Variants in ABCA8 observed in about 807,000 individuals in gnomAD.
ABCA8 encodes the protein ABC-type organic anion transporter ABCA8.
In ABCA8, 177 loss-of-function variants were observed where a neutral mutation model predicts 192.3. The observed-to-expected ratio is 0.92, with a 90% CI of 0.81 to 1.04. ABCA8 has a LOEUF of 1.04. ABCA8 is among the 50% of genes least tolerant of loss of function. ABCA8 has a pLI of 0.00. For missense variants in ABCA8, 1,915 were observed against 1,904.8 expected (o/e 1.01, Z -0.10); for synonymous variants, 642 against 690.2 (o/e 0.93, Z 1.09).
rs765164512 is a variant in ABCA8, at chr17:68,894,247, T to C, written c.2962A>G (p.Ile988Val). 12 of 1,612,964 alleles carry C rather than the reference T, an allele frequency of 7.4e-6. No homozygotes were observed. The highest frequency in any genetic ancestry group is 2.7e-5 in the African/African-American group (2 of 74,878). Reference sequence around the variant, plus strand: ...ATTCCAAGTAGCCCATTACTAACAATGTCCATAAGAACTGGGAAGCAATTC... The same window carrying C: ...ATTCCAAGTAGCCCATTACTAACAACGTCCATAAGAACTGGGAAGCAATTC... ...RLNCFPVLMDIVSNGLLGMVK... is the reference protein window; with the variant it reads ...RLNCFPVLMDVVSNGLLGMVK... Residue 988 changes from isoleucine to valine, a missense_variant, in exon 23 of 40, where the codon ATT (isoleucine) becomes GTT (valine). Physicochemically the swap from Ile to Val is conservative, Grantham distance 29. Coordinates refer to ENST00000586539, the MANE Select transcript of ABCA8 (RefSeq NM_001288985.2).
chr17:68,890,360 TACAA>T (rs1457874732), intron 24 of ABCA8, among the ~76,000 whole-genome samples: 1 of 152,230 alleles, frequency 6.6e-6, no homozygotes, highest in Non-Finnish European at 1.5e-5. Flanking sequence ...AAAGTATATA[TACAA>T]ATACTTTGTC....
intron 21 of ABCA8, among the ~76,000 whole-genome samples, chr17:68,896,228 C>T (rs1029736909): frequency 1.3e-5 from 2 of 152,134 alleles, no homozygotes; most frequent in Non-Finnish European, 2.9e-5. Flanking sequence ...GATTGCAATT[C>T]CCTTGGTTGA....
At chr17:68,928,716 C>T (rs939339053) in intron 9 of ABCA8, among the ~76,000 whole-genome samples, 4 of 152,050 alleles carry the variant, frequency 2.6e-5, no homozygotes, top group Non-Finnish European at 5.9e-5. Context: ...ATCACGTATT[C>T]TCTTCAATTA....
chr17:68,917,920 C>T, intron 16 of ABCA8, 127 bp downstream of exon 16: 1 of 1,150,672 alleles, frequency 8.7e-7, no homozygotes, highest in South Asian at 1.9e-5. Context: ...CAAATTACCA[C>T]CAGCCATTCA....
Position 68,875,673 on chromosome 17 carries a change from G to A in ABCA8, c.4431C>T (p.Tyr1477=), listed in dbSNP as rs138937097. Residue 1477 remains tyrosine, a synonymous_variant, in exon 36 of 40, where the codon TAC becomes TAT. Transcript: ENST00000586539. ...CACACACGGCCTCAGCCTCTGCCATGTAGTGGGTGGTTAGGAGGGCACCCC... is the reference window on the plus strand; with the variant it reads ...CACACACGGCCTCAGCCTCTGCCATATAGTGGGTGGTTAGGAGGGCACCCC... ...TERGALLTTH[Y]MAEAEAVCDR... 182 of 1,614,206 alleles carry A rather than the reference G, an allele frequency of 1.1e-4. No homozygotes were observed. The highest frequency in any genetic ancestry group is 1.4e-4 in the Non-Finnish European group (171 of 1,180,020).
intron 2 of ABCA8, among the ~76,000 whole-genome samples, chr17:68,947,471 C>G (rs1471864211): frequency 6.6e-6 from 1 of 152,046 alleles, no homozygotes; most frequent in East Asian, 1.9e-4. Flanking sequence ...TTTATTATGG[C>G]TAGCATTTTC....
At position 68,881,179 on chromosome 17, in the gene ABCA8, C is replaced by T. The variant is rs764249155; in HGVS notation, c.3979G>A (p.Ala1327Thr). 1.9e-6 allele frequency: 3 copies of T among 1,613,710 alleles called. No individual in the cohort carries two copies. In the East Asian group the frequency reaches 6.7e-5, roughly 36 times the overall value. ...EVLGLLGHNGAGKSTSIKVIT... is the reference protein window; with the variant it reads ...EVLGLLGHNGTGKSTSIKVIT... ...ACCTTAATGGATGTGCTTTTACCAG[C>T]TCCATTGTGTCCTAATAATCCTAAA... Residue 1327 changes from alanine to threonine, a missense_variant, in exon 32 of 40, where the codon GCT becomes ACT. Ala to Thr is a moderately conservative substitution (Grantham distance 58, BLOSUM62 0). Coordinates refer to ENST00000586539, the MANE Select transcript of ABCA8 (RefSeq NM_001288985.2).
chr17:68,890,802 A>G (rs1598207585), intron 24 of ABCA8, among the ~76,000 whole-genome samples: 2 of 152,344 alleles, frequency 1.3e-5, no homozygotes, highest in South Asian at 2.1e-4. Flanking sequence ...TACAGGCGTG[A>G]GCCACCAAGC....
At chr17:68,936,690 G>A (rs533984519) in intron 5 of ABCA8, among the ~76,000 whole-genome samples, 8 of 151,944 alleles carry the variant, frequency 5.3e-5, no homozygotes, top group Non-Finnish European at 8.8e-5. Context: ...TAATATCTAT[G>A]TGTGTACATA....
intron 1 of ABCA8, among the ~76,000 whole-genome samples, chr17:68,949,808 C>T (rs1333941550): frequency 6.6e-6 from 1 of 152,090 alleles, no homozygotes; most frequent in African/African-American, 2.4e-5. Flanking sequence ...ATAACAAGAG[C>T]TCTTTACTGC....
intron 36 of ABCA8, 40 bp from the exon 37 acceptor site, chr17:68,875,440 C>T (rs776096484): frequency 1.2e-6 from 2 of 1,607,482 alleles, no homozygotes; most frequent in East Asian, 4.5e-5. Flanking sequence ...AAAAAAAAAA[C>T]CATTCAGTAT....
intron 37 of ABCA8, among the ~76,000 whole-genome samples, chr17:68,871,459 A>T (rs1464788932): frequency 6.6e-6 from 1 of 152,170 alleles, no homozygotes; most frequent in Non-Finnish European, 1.5e-5. Flanking sequence ...ATGTGAGGTG[A>T]TATCTTATTG....
intron 1 of ABCA8, among the ~76,000 whole-genome samples, chr17:68,952,698 G>C (rs977975104): frequency 6.6e-6 from 1 of 152,106 alleles, no homozygotes; most frequent in Non-Finnish European, 1.5e-5. Flanking sequence ...CTGTAGGCTA[G>C]CTCACTGTGA....
intron 5 of ABCA8, among the ~76,000 whole-genome samples, chr17:68,935,478 G>A (rs1190244921): frequency 1.4e-5 from 2 of 142,906 alleles, no homozygotes; most frequent in Non-Finnish European, 3.0e-5. Flanking sequence ...ATAAAGGGAC[G>A]TTCTTAAAAT....
chr17:68,909,733 A>C (rs2067185212), intron 17 of ABCA8, among the ~76,000 whole-genome samples: 2 of 152,196 alleles, frequency 1.3e-5, no homozygotes, highest in Admixed American at 1.3e-4. Flanking sequence ...GAACTGGAAA[A>C]ATATCTACAT....
chr17:68,887,357 A>C lies in ABCA8; in HGVS notation c.3294T>G (p.Leu1098=). ...SYISNFEDML[L]TIIHIIQIPC... is the part of the protein sequence containing the mutation. ...TTACTTGAATAATATGAATTATTGTAAGTAGCATGTCTTCGAAGTTTGAAA... is the reference window on the plus strand; with the variant it reads ...TTACTTGAATAATATGAATTATTGTCAGTAGCATGTCTTCGAAGTTTGAAA... The change falls in exon 25 of 40, where the codon CTT becomes CTG. Residue 1098 remains leucine, a synonymous_variant. Coordinates refer to ENST00000586539, the MANE Select transcript of ABCA8 (RefSeq NM_001288985.2). The C allele has an allele frequency of 6.2e-7, 1 of 1,608,604 alleles. No individual in the cohort carries two copies. Among genetic ancestry groups the C allele is most frequent in the Non-Finnish European group, 8.5e-7 (1 of 1,176,408 alleles).
chr17:68,884,133 TAA>T (rs1433367618), intron 28 of ABCA8, among the ~76,000 whole-genome samples, 196 bp downstream of exon 28: 2 of 152,194 alleles, frequency 1.3e-5, no homozygotes, highest in Non-Finnish European at 2.9e-5. Context: ...ACAGAGTCCT[TAA>T]AATTTGGGAG....
chr17:68,902,802 G>GAAA lies in ABCA8; in HGVS notation c.2674_2675insTTT (p.Thr892delinsIleSer), dbSNP rs1289177232. On this transcript the variant is annotated protein_altering_variant, in exon 21 of 40. Coordinates refer to ENST00000586539, the MANE Select transcript of ABCA8 (RefSeq NM_001288985.2). The stretch of plus-strand genomic sequence containing the variant: ...ATACAAATGAGGAGAAAGTTCCCAG[G>GAAA]TGTAACTGTTTTGATATATTTTCAC... 1 of 1,613,520 alleles carries GAAA rather than the reference G, an allele frequency of 6.2e-7. No individual in the cohort carries two copies. Among genetic ancestry groups the GAAA allele is most frequent in the Non-Finnish European group, 8.5e-7 (1 of 1,179,664 alleles).
intron 38 of ABCA8, 47 bp downstream of exon 38, chr17:68,869,653 G>T: frequency 8.0e-7 from 1 of 1,254,776 alleles, no homozygotes; most frequent in Non-Finnish European, 1.2e-6. Context: ...TTTATGATTT[G>T]AAATTATCTT....
Sources: allele counts gnomAD v4.1 joint callset (sites outside exome capture counted in the v4.1 genomes callset), GRCh38; gene constraint gnomAD v4.1.1; transcripts MANE v1.5; gene names NCBI Gene and HGNC (gene_info 2026-07-23, HGNC 2026-07-21).